Variants in TNRC6C observed in about 807,000 individuals in gnomAD.
TNRC6C encodes the protein trinucleotide repeat-containing gene 6C protein.
TNRC6C carries 20 observed loss-of-function variants against 153.7 expected under a neutral mutation model. The ratio of observed to expected loss-of-function variants is 0.13; its 90% CI spans 0.09 to 0.19. The LOEUF (loss-of-function observed/expected upper bound fraction) is 0.19. TNRC6C is among the 10% of genes least tolerant of loss of function. The probability of loss-of-function intolerance (pLI) is 1.00; values close to 1 mark genes in which losing one functional copy is unlikely to be tolerated. For synonymous variants in TNRC6C, 811 were observed against 841.4 expected, an observed-to-expected ratio of 0.96 and a Z score of 0.63; for missense variants, 1,987 against 2,172.0, an observed-to-expected ratio of 0.91 and a Z score of 1.69.
chr17:78,022,969 A>G (rs74321817), intron 1 of TNRC6C, among the ~76,000 whole-genome samples: 1,724 of 152,332 alleles, frequency 0.011, 30 homozygotes, highest in African/African-American at 0.039. Flanking sequence ...ATTAGGTATT[A>G]TAAGTAATCT....
At chr17:78,098,501 G>T in exon 17 of TNRC6C, 4 of 1,613,726 alleles carry the variant, frequency 2.5e-6, no homozygotes, top group Non-Finnish European at 3.4e-6. Context: ...CACCTGGGGT[G>T]CCAGCCCCCT....
chr17:78,082,240 G>A (rs908976523), intron 10 of TNRC6C, among the ~76,000 whole-genome samples: 2 of 150,990 alleles, frequency 1.3e-5, no homozygotes, highest in African/African-American at 4.9e-5. Flanking sequence ...TGGATATACC[G>A]GCATTTATTA....
intron 3 of TNRC6C, among the ~76,000 whole-genome samples, chr17:78,060,689 C>T (rs921695584): frequency 6.6e-6 from 1 of 152,030 alleles, no homozygotes; most frequent in African/African-American, 2.4e-5. Context: ...AAGTGAGCCA[C>T]CATGCCTGGC....
intron 1 of TNRC6C, among the ~76,000 whole-genome samples, chr17:78,005,305 C>T (rs938862276): frequency 1.3e-5 from 2 of 152,116 alleles, no homozygotes; most frequent in African/African-American, 4.8e-5. Flanking sequence ...GTTATATTAG[C>T]TTTCCAAACA....
intron 19 of TNRC6C, 24 bp downstream of exon 22, chr17:78,103,577 A>G: frequency 6.2e-7 from 1 of 1,613,478 alleles, no homozygotes; most frequent in Non-Finnish European, 8.5e-7. Context: ...CAGCCACCTC[A>G]GCGCTCCAAG....
At chr17:78,044,372 G>A (rs2072363430) in intron 2 of TNRC6C, among the ~76,000 whole-genome samples, 1 of 152,176 alleles carries the variant, frequency 6.6e-6, no homozygotes, top group South Asian at 2.1e-4. Context: ...TTCATTCAAT[G>A]TATGTTTATT....
chr17:78,052,674 C>T (rs1447136995), intron 3 of TNRC6C, among the ~76,000 whole-genome samples: 2 of 152,112 alleles, frequency 1.3e-5, no homozygotes, highest in African/African-American at 4.8e-5. Flanking sequence ...CTGCCTGCTG[C>T]ATTAATTCAA....
intron 18 of TNRC6C, among the ~76,000 whole-genome samples, chr17:78,103,131 G>A (rs1018025892): frequency 7.2e-5 from 11 of 152,224 alleles, no homozygotes; most frequent in African/African-American, 2.4e-4. Context: ...GGCTCTGTGC[G>A]ACGTGCTCTG....
At chr17:78,015,525 T>G (rs1257501884) in intron 1 of TNRC6C, among the ~76,000 whole-genome samples, 1 of 152,360 alleles carries the variant, frequency 6.6e-6, no homozygotes, top group Admixed American at 6.5e-5. Context: ...TAATTGAGGA[T>G]CCTTTTAACA....
chr17:78,027,931 T>C (rs181690797), intron 1 of TNRC6C, among the ~76,000 whole-genome samples: 2,140 of 139,406 alleles, frequency 0.015, 64 homozygotes, highest in African/African-American at 0.055. Context: ...TGAGATGGAG[T>C]CTCGCCCAGG....
chr17:78,000,802 T>C (rs1303100740), upstream of TNRC6C, among the ~76,000 whole-genome samples: 1 of 152,200 alleles, frequency 6.6e-6, no homozygotes, highest in African/African-American at 2.4e-5. Context: ...CCCTCTTTTA[T>C]TGAATTTTCT....
chr17:78,093,593 G>A lies in TNRC6C; in HGVS notation c.4163-27G>A, dbSNP rs201521961. 3.7e-6 allele frequency: 6 copies of A among 1,612,980 alleles called. No homozygotes were observed. The Admixed American group carries it at 6.7e-5, about 18-fold the overall frequency. On this transcript the variant is annotated intron_variant, in intron 15 of 19. Transcript: ENST00000301624. Reference sequence around the variant, plus strand: ...TCAATGTGCCGGTGTTCTGATCTGTGGCTTCTCATTTTGGTTTCTTAAACA... The same window carrying A: ...TCAATGTGCCGGTGTTCTGATCTGTAGCTTCTCATTTTGGTTTCTTAAACA...
chr17:78,089,629 G>A (rs996256644), intron 13 of TNRC6C, among the ~76,000 whole-genome samples: 2 of 152,000 alleles, frequency 1.3e-5, no homozygotes, highest in African/African-American at 2.4e-5. Flanking sequence ...CCTGGAGTTC[G>A]CCATCTAGAT....
intron 1 of TNRC6C, among the ~76,000 whole-genome samples, chr17:77,987,560 A>G (rs2071187092): frequency 6.6e-6 from 1 of 152,236 alleles, no homozygotes; most frequent in Non-Finnish European, 1.5e-5. Context: ...GATTAGTGAT[A>G]AAAACAGTGT....
Position 78,093,784 on chromosome 17 carries a change from G to C in TNRC6C, c.4306+21G>C, listed in dbSNP as rs568605595. ...TGGAGGTGAGGGTGCTGCTCTTCCT[G>C]CCTCTGCATGGACGGTCTCTCTAGA... is the stretch of plus-strand genomic sequence containing the variant. On this transcript the variant is annotated intron_variant, in intron 16 of 19. Coordinates refer to ENST00000301624, the Ensembl canonical transcript of TNRC6C. 2.9e-5 allele frequency: 47 copies of C among 1,613,148 alleles called. 1 individual carries two copies. The South Asian group carries it at 5.1e-4, about 17-fold the overall frequency.
At chr17:78,054,729 C>T (rs2072613787) in intron 3 of TNRC6C, among the ~76,000 whole-genome samples, 1 of 152,016 alleles carries the variant, frequency 6.6e-6, no homozygotes, top group African/African-American at 2.4e-5. Context: ...CTACTACAGA[C>T]TACTGTACAC....
intron 1 of TNRC6C, among the ~76,000 whole-genome samples, chr17:78,006,533 T>C (rs1283949512): frequency 7.0e-6 from 1 of 141,930 alleles, no homozygotes; most frequent in African/African-American, 2.8e-5. Context: ...TTCTTCTTCT[T>C]CTTCTTCTTC....
chr17:78,058,250 G>C (rs1231978684), intron 3 of TNRC6C, among the ~76,000 whole-genome samples: 3 of 152,200 alleles, frequency 2.0e-5, no homozygotes, highest in African/African-American at 7.2e-5. Context: ...GTGGCAGAAA[G>C]GGAGAAAGTG....
At chr17:77,963,749 T>A (rs751661395) in intron 1 of TNRC6C, among the ~76,000 whole-genome samples, 4 of 152,224 alleles carry the variant, frequency 2.6e-5, no homozygotes, top group Non-Finnish European at 2.9e-5. Flanking sequence ...CTCAATGTTA[T>A]TTTGAACTCT....
Sources: allele counts gnomAD v4.1 joint callset (sites outside exome capture counted in the v4.1 genomes callset), GRCh38; gene constraint gnomAD v4.1.1; transcripts MANE v1.5; gene names NCBI Gene and HGNC (gene_info 2026-07-23, HGNC 2026-07-21).